The following TXNDC11 variants were observed in gnomAD, a reference collection of about 807,000 sequenced individuals.
The protein encoded by TXNDC11 is thioredoxin domain containing 11.
Under a neutral mutation model 78.0 loss-of-function variants are expected in TXNDC11, and 68 were observed. The observed-to-expected ratio is 0.87, with a 90% CI of 0.72 to 1.07. The LOEUF is 1.07. Ranked by LOEUF, TXNDC11 falls within the 50% of genes least tolerant of loss-of-function variation. The probability of loss-of-function intolerance (pLI) is 0.00; values close to 1 mark genes in which losing one functional copy is unlikely to be tolerated. For synonymous variants in TXNDC11, 571 were observed against 495.2 expected, an observed-to-expected ratio of 1.15 and a Z score of -2.03; for missense variants, 1,389 against 1,221.8, an observed-to-expected ratio of 1.14 and a Z score of -2.04.
At chr16:11,680,578 G>A (rs139608463) in intron 11 of TXNDC11, among the ~76,000 whole-genome samples, 229 of 152,264 alleles carry the variant, frequency 1.5e-3, no homozygotes, top group African/African-American at 5.0e-3. Context: ...TCATTTAATC[G>A]TCTGATGATG....
In TXNDC11 at chr16:11,723,260, AAAAAAAAAG is replaced by A. The variant is rs568195035; in HGVS notation, c.700-1599_700-1591del. Among the ~76,000 whole-genome samples, 299 of 149,440 alleles carry A rather than the reference AAAAAAAAAG, an allele frequency of 2.0e-3. 2 individuals carry two copies. The highest frequency in any genetic ancestry group is 6.9e-3 in the African/African-American group (273 of 39,650). On this transcript the variant is annotated intron_variant, in intron 4 of 11. Transcript: ENST00000283033. ...GGGGGAGAGAGCAAGAGTCCATCTCAAAAAAAAAGAAAAAAAAGAAAAAAAAAAAGAAAC... is the reference window on the plus strand; with the variant it reads ...GGGGGAGAGAGCAAGAGTCCATCTCAAAAAAAAAGAAAAAAAAAAAGAAAC...
intron 1 of TXNDC11, among the ~76,000 whole-genome samples, chr16:11,738,352 C>T (rs1482139915): frequency 2.0e-5 from 3 of 152,226 alleles, no homozygotes; most frequent in Non-Finnish European, 4.4e-5. Context: ...ATCACTTACA[C>T]AATTATTCAA....
intron 5 of TXNDC11, among the ~76,000 whole-genome samples, chr16:11,712,769 G>A (rs775910556): frequency 3.3e-5 from 5 of 151,982 alleles, no homozygotes; most frequent in Admixed American, 1.3e-4. Flanking sequence ...CCAGGGTAAC[G>A]TGGTGAAACT....
chr16:11,738,156 A>C lies in TXNDC11; in HGVS notation c.255-1923T>G, dbSNP rs539057999. ...ATGTACTATAACTTGGATGAGTCTC[A>C]AAATGATTATGCTGAGTGAAAAAAG... On this transcript the variant is annotated intron_variant, in intron 1 of 11. Coordinates refer to ENST00000283033, the MANE Select transcript of TXNDC11 (RefSeq NM_015914.7). Among the ~76,000 whole-genome samples, 18 of 152,382 alleles carry C rather than the reference A, an allele frequency of 1.2e-4. 1 individual carries two copies. The highest frequency in any genetic ancestry group is 3.8e-4 in the African/African-American group (16 of 41,594).
At chr16:11,704,235 A>C (rs1251661189) in intron 5 of TXNDC11, among the ~76,000 whole-genome samples, 1 of 152,230 alleles carries the variant, frequency 6.6e-6, no homozygotes, top group Non-Finnish European at 1.5e-5. Context: ...ACACAGAATA[A>C]GATAAATACC....
At chr16:11,727,493 T>C (rs909852461) in intron 4 of TXNDC11, among the ~76,000 whole-genome samples, 1 of 152,190 alleles carries the variant, frequency 6.6e-6, no homozygotes, top group Admixed American at 6.5e-5. Flanking sequence ...ACAAGTATCT[T>C]TCATAGTAAG....
At chr16:11,730,241 T>A (rs2052007194) in intron 4 of TXNDC11, among the ~76,000 whole-genome samples, 1 of 152,102 alleles carries the variant, frequency 6.6e-6, no homozygotes, top group Admixed American at 6.5e-5. Context: ...ATATTTCCAG[T>A]TTTCAAAAAA....
At chr16:11,714,719 C>A (rs1227367844) in intron 5 of TXNDC11, among the ~76,000 whole-genome samples, 2 of 152,090 alleles carry the variant, frequency 1.3e-5, no homozygotes, top group Non-Finnish European at 2.9e-5. Context: ...ACTTTTTATG[C>A]GTACCGACTC....
At chr16:11,681,504 A>G (rs2050424402) in intron 11 of TXNDC11, among the ~76,000 whole-genome samples, 1 of 152,248 alleles carries the variant, frequency 6.6e-6, no homozygotes, top group Admixed American at 6.5e-5. Flanking sequence ...GAATGTCAAC[A>G]GTCTACTTCC....
chr16:11,721,203 C>G (rs778934428), intron 5 of TXNDC11: 12 of 171,480 alleles, frequency 7.0e-5, no homozygotes, highest in Non-Finnish European at 1.3e-4. Flanking sequence ...ACTTTGGGAA[C>G]TGAGGCAGGT....
At chr16:11,697,373 C>A (rs975156919) in intron 7 of TXNDC11, among the ~76,000 whole-genome samples, 1 of 152,146 alleles carries the variant, frequency 6.6e-6, no homozygotes, top group Admixed American at 6.5e-5. Context: ...ATTAAGGGAT[C>A]CTTGAGGGAG....
At chr16:11,716,522 CAT>C (rs1049515744) in intron 5 of TXNDC11, among the ~76,000 whole-genome samples, 14 of 152,080 alleles carry the variant, frequency 9.2e-5, no homozygotes, top group African/African-American at 3.4e-4. Context: ...GCTTTTGAAA[CAT>C]ATACAAAGAT....
intron 7 of TXNDC11, chr16:11,692,362 G>A (rs998713536): frequency 1.7e-5 from 6 of 349,990 alleles, no homozygotes; most frequent in Non-Finnish European, 2.6e-5. Context: ...AGTAGCCAAC[G>A]CAGTTATCAG....
intron 11 of TXNDC11, among the ~76,000 whole-genome samples, chr16:11,682,220 A>G (rs887045519): frequency 3.3e-5 from 5 of 152,032 alleles, no homozygotes; most frequent in African/African-American, 4.8e-5. Flanking sequence ...TAAACCAAAC[A>G]CTCGCTTGGG....
At chr16:11,681,403 GCTAA>G (rs1381590874) in intron 11 of TXNDC11, among the ~76,000 whole-genome samples, 3 of 152,232 alleles carry the variant, frequency 2.0e-5, no homozygotes, top group Non-Finnish European at 2.9e-5. Flanking sequence ...CATGCTATCT[GCTAA>G]CTAAGAGGTC....
intron 4 of TXNDC11, among the ~76,000 whole-genome samples, chr16:11,727,288 C>T (rs1012015288): frequency 6.6e-6 from 1 of 150,842 alleles, no homozygotes; most frequent in African/African-American, 2.4e-5. Flanking sequence ...CATACTCCTA[C>T]AAGATGTTAC....
chr16:11,742,464 CG>C lies in TXNDC11; in HGVS notation c.254+12del. The C allele has an allele frequency of 4.2e-6, 6 of 1,412,618 alleles. No homozygotes were observed. Among genetic ancestry groups the C allele is most frequent in the Non-Finnish European group, 5.5e-6 (6 of 1,091,070 alleles). 87.5% of individuals were successfully genotyped at this position (1,412,618 alleles called of 1,614,324 possible). The stretch of plus-strand genomic sequence containing the variant: ...AGCGCCCTAGCGGGGCCCCAGGGTC[CG>C]GGCCGCCTCACCTGCAGGTGAACTT... On this transcript the variant is annotated intron_variant, in intron 1 of 11. Transcript: ENST00000283033.
At chr16:11,739,081 T>C (rs1293384706) in intron 1 of TXNDC11, among the ~76,000 whole-genome samples, 2 of 151,468 alleles carry the variant, frequency 1.3e-5, no homozygotes, top group Non-Finnish European at 2.9e-5. Context: ...TGAGGAAAAA[T>C]GTAGGTCTGA....
chr16:11,698,013 C>G (rs960357605), intron 7 of TXNDC11, 112 bp downstream of exon 7: 1 of 988,688 alleles, frequency 1.0e-6, no homozygotes, highest in South Asian at 1.5e-5. Flanking sequence ...ACAGCTGCCC[C>G]TCGTGGCAGC....
Sources: gnomAD v4.1 joint callset for allele counts (sites outside exome capture counted in the v4.1 genomes callset) on GRCh38, gnomAD v4.1.1 for gene constraint, MANE v1.5 for transcripts, NCBI Gene and HGNC (gene_info 2026-07-23, HGNC 2026-07-21) for gene names.